Variants in CSMD1 observed in about 807,000 individuals in gnomAD.
The protein encoded by CSMD1 is CUB and sushi domain-containing protein 1.
A neutral mutation model predicts 417.5 loss-of-function variants in CSMD1; 213 were observed. That is an observed-to-expected ratio of 0.51 (90% CI 0.46 to 0.57). The LOEUF (loss-of-function observed/expected upper bound fraction) is 0.57, where lower values mean the gene tolerates loss of function less well. Among genes scored for constraint, CSMD1 ranks in the 20% least tolerant of loss-of-function variants. The pLI, the probability that CSMD1 is intolerant of heterozygous loss-of-function variation, is 0.00. For missense variants in CSMD1, 6,923 were observed against 4,529.7 expected, an observed-to-expected ratio of 1.53 and a Z score of -15.17; for synonymous variants, 2,862 against 1,736.8, an observed-to-expected ratio of 1.65 and a Z score of -16.11.
chr8:2,999,154 CTTTTT>C (rs33927768), intron 53 of CSMD1, among the ~76,000 whole-genome samples: 1 of 116,450 alleles, frequency 8.6e-6, no homozygotes, highest in Admixed American at 9.4e-5. Flanking sequence ...TTTTTTTTCC[CTTTTT>C]TTTTTTTTTT....
intron 5 of CSMD1, among the ~76,000 whole-genome samples, chr8:3,923,498 T>C (rs1195215855): frequency 2.0e-5 from 3 of 152,174 alleles, no homozygotes; most frequent in South Asian, 2.1e-4. Flanking sequence ...CTTAAAGGTA[T>C]TGTGTGTGTG....
intron 3 of CSMD1, among the ~76,000 whole-genome samples, chr8:4,219,197 C>T (rs189453022): frequency 6.6e-6 from 1 of 152,156 alleles, no homozygotes; most frequent in Non-Finnish European, 1.5e-5. Context: ...TGCAGAATTT[C>T]TGCTGTAAAA....
At chr8:4,912,774 T>C (rs1212463249) in intron 1 of CSMD1, among the ~76,000 whole-genome samples, 2 of 146,754 alleles carry the variant, frequency 1.4e-5, no homozygotes, top group African/African-American at 5.1e-5. Flanking sequence ...TAAAATGACA[T>C]ACAGCACCAG....
intron 3 of CSMD1, among the ~76,000 whole-genome samples, chr8:4,358,954 CCA>C (rs1427542479): frequency 8.9e-6 from 1 of 112,188 alleles, no homozygotes; most frequent in Non-Finnish European, 1.7e-5. Flanking sequence ...TACTACACTT[CCA>C]GAGTCTTGTG....
intron 5 of CSMD1, among the ~76,000 whole-genome samples, chr8:3,863,819 C>T (rs146436611): frequency 0.023 from 3,444 of 150,950 alleles, 50 homozygotes; most frequent in Middle Eastern, 0.055. Flanking sequence ...TTATTCATGA[C>T]GAAAAAAAAA....
intron 1 of CSMD1, among the ~76,000 whole-genome samples, chr8:4,698,070 G>C (rs144771364): frequency 6.6e-6 from 1 of 151,044 alleles, no homozygotes; most frequent in Admixed American, 6.6e-5. Flanking sequence ...ATTAAGTGAA[G>C]TTCCCAAACA....
At chr8:3,386,125 G>A (rs62503517) in intron 18 of CSMD1, among the ~76,000 whole-genome samples, 15,876 of 152,150 alleles carry the variant, frequency 0.1, 899 homozygotes, top group Middle Eastern at 0.14. Flanking sequence ...CTAGACAAAT[G>A]GAGTTGATGT....
intron 11 of CSMD1, among the ~76,000 whole-genome samples, chr8:3,469,843 C>G (rs1186032200): frequency 1.3e-5 from 2 of 152,174 alleles, no homozygotes; most frequent in African/African-American, 2.4e-5. Flanking sequence ...AAAGAGGAAA[C>G]TATTTCTGTG....
At chr8:3,902,019 C>T (rs958615436) in intron 5 of CSMD1, among the ~76,000 whole-genome samples, 3 of 152,100 alleles carry the variant, frequency 2.0e-5, no homozygotes, top group South Asian at 4.2e-4. Context: ...TTACTCTATT[C>T]CATTTATTAT....
At chr8:4,564,780 T>C (rs1798512102) in intron 2 of CSMD1, among the ~76,000 whole-genome samples, 1 of 152,214 alleles carries the variant, frequency 6.6e-6, no homozygotes, top group Admixed American at 6.5e-5. Flanking sequence ...AAGAAATCAC[T>C]AGAACAAGCA....
intron 1 of CSMD1, among the ~76,000 whole-genome samples, chr8:4,697,788 C>G (rs75704888): frequency 0.01 from 1,567 of 152,262 alleles, 25 homozygotes; most frequent in East Asian, 0.06. Flanking sequence ...TGATAAAATA[C>G]ACACACATTC....
At chr8:4,511,612 T>C (rs1585184236) in intron 2 of CSMD1, among the ~76,000 whole-genome samples, 2 of 152,004 alleles carry the variant, frequency 1.3e-5, no homozygotes, top group South Asian at 4.1e-4. Context: ...TGGAGACACA[T>C]ACAGGGAACT....
At chr8:4,886,577 G>C (rs1803754210) in intron 1 of CSMD1, among the ~76,000 whole-genome samples, 1 of 151,766 alleles carries the variant, frequency 6.6e-6, no homozygotes, top group Non-Finnish European at 1.5e-5. Flanking sequence ...TTTACATTAG[G>C]TCTTCTTTAA....
intron 6 of CSMD1, among the ~76,000 whole-genome samples, chr8:3,748,662 A>G (rs934092211): frequency 6.6e-6 from 1 of 152,222 alleles, no homozygotes; most frequent in Non-Finnish European, 1.5e-5. Context: ...AGAAAATGTG[A>G]GCATTGGAGA....
At chr8:4,527,268 A>G (rs1796563558) in intron 2 of CSMD1, among the ~76,000 whole-genome samples, 1 of 152,156 alleles carries the variant, frequency 6.6e-6, no homozygotes, top group Admixed American at 6.5e-5. Flanking sequence ...TCTTTTTTGT[A>G]GCATTTATAT....
chr8:3,721,515 G>C (rs924970579), intron 6 of CSMD1, among the ~76,000 whole-genome samples: 4 of 152,182 alleles, frequency 2.6e-5, no homozygotes, highest in Non-Finnish European at 4.4e-5. Flanking sequence ...CAGCATTCTA[G>C]AGCATGGCAC....
intron 10 of CSMD1, among the ~76,000 whole-genome samples, chr8:3,495,816 C>A (rs921774209): frequency 6.6e-6 from 1 of 152,208 alleles, no homozygotes; most frequent in South Asian, 2.1e-4. Context: ...TTAGTTCCTA[C>A]AGCATATGCA....
At chr8:3,235,475 A>C (rs535569312) in intron 26 of CSMD1, among the ~76,000 whole-genome samples, 1 of 152,194 alleles carries the variant, frequency 6.6e-6, no homozygotes. Context: ...GATCTGGTCA[A>C]ATGAGATTGG....
At chr8:3,586,934 G>A (rs559495190) in intron 8 of CSMD1, among the ~76,000 whole-genome samples, 88 of 152,214 alleles carry the variant, frequency 5.8e-4, no homozygotes, top group South Asian at 8.3e-4. Flanking sequence ...TGAGTAGCTG[G>A]GACTACAGAT....
Sources: allele counts gnomAD v4.1 joint callset (sites outside exome capture counted in the v4.1 genomes callset), GRCh38; gene constraint gnomAD v4.1.1; transcripts MANE v1.5; gene names NCBI Gene and HGNC (gene_info 2026-07-23, HGNC 2026-07-21).